The following PTPRJ variants were observed in gnomAD, a reference collection of about 807,000 sequenced individuals.
PTPRJ encodes the protein receptor-type tyrosine-protein phosphatase eta.
A neutral mutation model predicts 141.3 loss-of-function variants in PTPRJ; 129 were observed. That is an observed-to-expected ratio of 0.91 (90% CI 0.79 to 1.06). The LOEUF (loss-of-function observed/expected upper bound fraction) is 1.06. PTPRJ is among the 50% of genes least tolerant of loss of function. The pLI is 0.00. For missense variants in PTPRJ, 1,601 were observed against 1,679.7 expected (o/e 0.95, Z 0.82); for synonymous variants, 610 against 640.5 (o/e 0.95, Z 0.72).
chr11:48,079,030 G>A (rs534698763), intron 1 of PTPRJ, among the ~76,000 whole-genome samples: 2 of 152,072 alleles, frequency 1.3e-5, no homozygotes, highest in East Asian at 3.9e-4. Flanking sequence ...ATGCAAAGAC[G>A]GGCAGGATCA....
At chr11:48,106,975 G>T (rs1265917294) in intron 1 of PTPRJ, among the ~76,000 whole-genome samples, 1 of 151,722 alleles carries the variant, frequency 6.6e-6, no homozygotes, top group African/African-American at 2.4e-5. Context: ...CACCATGTTG[G>T]CCAGGCTGGT....
intron 1 of PTPRJ, among the ~76,000 whole-genome samples, chr11:47,994,997 A>G (rs1854296376): frequency 6.6e-6 from 1 of 152,220 alleles, no homozygotes; most frequent in African/African-American, 2.4e-5. Flanking sequence ...AATATATTGC[A>G]AACGTTTCCC....
At chr11:48,012,987 C>T (rs755667748) in intron 1 of PTPRJ, among the ~76,000 whole-genome samples, 5 of 150,664 alleles carry the variant, frequency 3.3e-5, no homozygotes, top group Non-Finnish European at 5.9e-5. Flanking sequence ...TGCCTGTAAT[C>T]GTAGCTACTT....
intron 1 of PTPRJ, among the ~76,000 whole-genome samples, chr11:48,103,457 T>C (rs1856204488): frequency 1.3e-5 from 2 of 151,784 alleles, no homozygotes; most frequent in Admixed American, 1.3e-4. Flanking sequence ...AGATCCTGTC[T>C]CAAAAAAACA....
At chr11:48,061,452 G>A (rs918314749) in intron 1 of PTPRJ, among the ~76,000 whole-genome samples, 3 of 152,204 alleles carry the variant, frequency 2.0e-5, no homozygotes, top group Non-Finnish European at 4.4e-5. Flanking sequence ...GCTCAGAGGT[G>A]CTGCAGTAAT....
At chr11:48,115,847 A>G (rs1337235525) in intron 3 of PTPRJ, among the ~76,000 whole-genome samples, 1 of 152,242 alleles carries the variant, frequency 6.6e-6, no homozygotes, top group Non-Finnish European at 1.5e-5. Flanking sequence ...CAAAGTTGTC[A>G]TCAGCATAAA....
chr11:48,001,349 A>AGTGTGTGTGTGTGTGTGTGTGT (rs57503257), intron 1 of PTPRJ, among the ~76,000 whole-genome samples: 8 of 134,782 alleles, frequency 5.9e-5, no homozygotes, highest in African/African-American at 2.2e-4. Flanking sequence ...ACAGCCCCAA[A>AGTGTGTGTGTGTGTGTGTGTGT]GTGTGTGTGT....
At chr11:48,079,633 AG>A (rs1302922448) in intron 1 of PTPRJ, among the ~76,000 whole-genome samples, 1 of 152,114 alleles carries the variant, frequency 6.6e-6, no homozygotes, top group Non-Finnish European at 1.5e-5. Flanking sequence ...AGGAGGGCAG[AG>A]GAAGAGGAGG....
At chr11:48,124,039 C>A (rs1261635932) in intron 5 of PTPRJ, among the ~76,000 whole-genome samples, 169 bp downstream of exon 5, 1 of 152,202 alleles carries the variant, frequency 6.6e-6, no homozygotes, top group Non-Finnish European at 1.5e-5. Flanking sequence ...AGGAAGGAAA[C>A]GTGTTCTGAT....
rs1312754932 is a variant in PTPRJ at position 48,125,071 on chromosome 11, A to G, written c.978A>G (p.Arg326=). 8 of 1,614,066 alleles carry G rather than the reference A, an allele frequency of 5.0e-6. No individual in the cohort carries two copies. In the East Asian group the frequency reaches 1.3e-4, roughly 27 times the overall value. ...ACCCATCCTCCGGCCAGCAGTCCCG[A>G]GACACGGAAGTCCTGCTTGTCGGGT... ...PVDPSSGQQS[R]DTEVLLVGLE... Residue 326 remains arginine (R), a synonymous_variant, in exon 6 of 25, where the codon CGA becomes CGG. Coordinates refer to ENST00000418331, the MANE Select transcript of PTPRJ (RefSeq NM_002843.4).
intron 11 of PTPRJ, among the ~76,000 whole-genome samples, chr11:48,140,611 G>A (rs1857209104): frequency 6.6e-6 from 1 of 152,154 alleles, no homozygotes; most frequent in African/African-American, 2.4e-5. Context: ...ACCTCCCAGC[G>A]GGCACTGCTG....
chr11:48,109,751 C>T (rs1856391483), intron 1 of PTPRJ, among the ~76,000 whole-genome samples: 2 of 151,638 alleles, frequency 1.3e-5, no homozygotes, highest in South Asian at 2.1e-4. Context: ...AGGTGCTGAC[C>T]TGGGGAGTTG....
At chr11:48,077,449 G>A (rs1855434259) in intron 1 of PTPRJ, among the ~76,000 whole-genome samples, 1 of 152,134 alleles carries the variant, frequency 6.6e-6, no homozygotes, top group Non-Finnish European at 1.5e-5. Flanking sequence ...ACTTTTTGAG[G>A]CTTGGAGTGA....
intron 1 of PTPRJ, among the ~76,000 whole-genome samples, chr11:47,999,863 CT>C (rs1209647054): frequency 2.8e-4 from 38 of 136,168 alleles, no homozygotes; most frequent in East Asian, 4.1e-4. Context: ...CGAGATTCTT[CT>C]TTTTTTTTTT....
At chr11:48,164,333 C>T in intron 23 of PTPRJ, 47 bp from the exon 24 acceptor site, 1 of 1,599,826 alleles carries the variant, frequency 6.3e-7, no homozygotes, top group Non-Finnish European at 8.5e-7. Flanking sequence ...AAGAGGGTTG[C>T]AGTCGAGGGA....
At chr11:47,996,529 A>G (rs1006523312) in intron 1 of PTPRJ, among the ~76,000 whole-genome samples, 1 of 152,158 alleles carries the variant, frequency 6.6e-6, no homozygotes, top group African/African-American at 2.4e-5. Flanking sequence ...ATCTGTAGCA[A>G]CAACCAGGCC....
intron 1 of PTPRJ, among the ~76,000 whole-genome samples, chr11:48,028,597 C>G (rs1853887141): frequency 6.6e-6 from 1 of 152,182 alleles, no homozygotes; most frequent in Non-Finnish European, 1.5e-5. Context: ...TTGAGACCAG[C>G]CTGGCCAACG....
chr11:48,043,582 C>T lies in PTPRJ; in HGVS notation c.96+62574C>T, dbSNP rs138567795. The stretch of plus-strand genomic sequence containing the variant: ...AACAAGTGCCACCTGTATAAGACAG[C>T]AGACGGTCAAAGCAGAAGAGGGAAG... On this transcript the variant is annotated intron_variant, in intron 1 of 24. Transcript: ENST00000418331. Among the ~76,000 whole-genome samples the T allele has an allele frequency of 3.7e-4, 57 of 152,318 alleles. No individual in the cohort carries two copies. In the East Asian group the frequency reaches 0.01, roughly 28 times the overall value.
At chr11:48,011,285 A>G (rs200366207) in intron 1 of PTPRJ, among the ~76,000 whole-genome samples, 1 of 152,140 alleles carries the variant, frequency 6.6e-6, no homozygotes, top group Non-Finnish European at 1.5e-5. Context: ...GCAATAATGT[A>G]TGTGCACAAG....
Sources: gnomAD v4.1 joint callset for allele counts (sites outside exome capture counted in the v4.1 genomes callset) on GRCh38, gnomAD v4.1.1 for gene constraint, MANE v1.5 for transcripts, NCBI Gene and HGNC (gene_info 2026-07-23, HGNC 2026-07-21) for gene names.